Variants in FARS2 observed in about 807,000 individuals in gnomAD.
The protein encoded by FARS2 is phenylalanine--tRNA ligase, mitochondrial.
In FARS2, 40 loss-of-function variants were observed where a neutral mutation model predicts 46.4. The observed-to-expected ratio is 0.86, with a 90% confidence interval of 0.67 to 1.12. The LOEUF is 1.12. Among genes scored for constraint, FARS2 ranks in the 50% most tolerant of loss-of-function variants. The probability of loss-of-function intolerance (pLI) is 0.00; values close to 1 mark genes in which losing one functional copy is unlikely to be tolerated. For synonymous variants in FARS2, 234 were observed against 214.9 expected (o/e 1.09, Z -0.78); for missense variants, 513 against 567.9 (o/e 0.90, Z 0.98).
At chr6:5,393,900 C>T (rs1036864266) in intron 2 of FARS2, among the ~76,000 whole-genome samples, 6 of 152,266 alleles carry the variant, frequency 3.9e-5, no homozygotes, top group Middle Eastern at 3.4e-3. Flanking sequence ...TGAGACATCT[C>T]GAGCATCCTG....
chr6:5,620,981 A>G (rs1775744292), intron 6 of FARS2, among the ~76,000 whole-genome samples: 1 of 152,220 alleles, frequency 6.6e-6, no homozygotes, highest in African/African-American at 2.4e-5. Context: ...CACCACTTCT[A>G]GCCTTCCTTA....
At chr6:5,428,755 C>A (rs1762992517) in intron 3 of FARS2, among the ~76,000 whole-genome samples, 2 of 152,124 alleles carry the variant, frequency 1.3e-5, no homozygotes, top group Non-Finnish European at 2.9e-5. Context: ...AATACAGTCC[C>A]AAATAAGCAG....
At chr6:5,636,637 G>A (rs1477953357) in intron 6 of FARS2, among the ~76,000 whole-genome samples, 1 of 152,238 alleles carries the variant, frequency 6.6e-6, no homozygotes, top group African/African-American at 2.4e-5. Context: ...AGGCAGAGAA[G>A]GGAGATGAGA....
At chr6:5,490,515 C>T (rs1175368007) in intron 4 of FARS2, among the ~76,000 whole-genome samples, 1 of 152,180 alleles carries the variant, frequency 6.6e-6, no homozygotes, top group Admixed American at 6.5e-5. Flanking sequence ...TTCCCACCAG[C>T]CTGCAAGATG....
chr6:5,268,539 C>A (rs187611182), intron 1 of FARS2, among the ~76,000 whole-genome samples: 1 of 152,214 alleles, frequency 6.6e-6, no homozygotes, highest in Admixed American at 6.5e-5. Flanking sequence ...TTTCTGAGGG[C>A]TCTGTTCTGT....
chr6:5,698,260 C>G (rs1368707334), intron 6 of FARS2, among the ~76,000 whole-genome samples: 1 of 152,160 alleles, frequency 6.6e-6, no homozygotes, highest in Non-Finnish European at 1.5e-5. Flanking sequence ...TCTAGGGAGG[C>G]CTCGGGAAGC....
chr6:5,310,500 T>A (rs1210362510), intron 1 of FARS2, among the ~76,000 whole-genome samples: 1 of 151,498 alleles, frequency 6.6e-6, no homozygotes, highest in African/African-American at 2.4e-5. Context: ...CCAGTAACAA[T>A]CTTAATTAAA....
At chr6:5,253,620 T>C in the FARS2 span, among the ~76,000 whole-genome samples, 3 of 152,162 alleles carry the variant, frequency 2.0e-5, no homozygotes, top group East Asian at 5.8e-4. Context: ...GTTCAAGAAG[T>C]TTTGCAAAGG....
At chr6:5,402,427 G>A (rs1343380402) in intron 2 of FARS2, among the ~76,000 whole-genome samples, 1 of 151,834 alleles carries the variant, frequency 6.6e-6, no homozygotes, top group Non-Finnish European at 1.5e-5. Flanking sequence ...ATTTTCATTA[G>A]TTGAGCTCTT....
intron 4 of FARS2, among the ~76,000 whole-genome samples, chr6:5,460,775 G>A (rs1765198651): frequency 6.6e-6 from 1 of 152,104 alleles, no homozygotes; most frequent in Non-Finnish European, 1.5e-5. Context: ...GCAGAATGAT[G>A]GCCTCCACCT....
chr6:5,415,790 C>T (rs939693878), intron 3 of FARS2, among the ~76,000 whole-genome samples: 7 of 152,210 alleles, frequency 4.6e-5, no homozygotes, highest in Non-Finnish European at 8.8e-5. Context: ...TCACTGCATC[C>T]TTGACCTCCC....
chr6:5,355,985 A>AG (rs1491021595), intron 1 of FARS2, among the ~76,000 whole-genome samples: 1 of 152,156 alleles, frequency 6.6e-6, no homozygotes, highest in African/African-American at 2.4e-5. Context: ...TGTGCACAAC[A>AG]GGGGGAATAA....
At chr6:5,758,959 A>C (rs1486109459) in intron 6 of FARS2, among the ~76,000 whole-genome samples, 1 of 150,764 alleles carries the variant, frequency 6.6e-6, no homozygotes, top group Non-Finnish European at 1.5e-5. Context: ...AAGGGCAGAG[A>C]GATTGGGGTT....
At chr6:5,423,081 C>G (rs1299346573) in intron 3 of FARS2, among the ~76,000 whole-genome samples, 2 of 146,644 alleles carry the variant, frequency 1.4e-5, no homozygotes, top group Non-Finnish European at 1.5e-5. Flanking sequence ...GGCTGTCCCC[C>G]ACCCGACCAG....
At chr6:5,417,662 C>G (rs1484514071) in intron 3 of FARS2, among the ~76,000 whole-genome samples, 1 of 152,090 alleles carries the variant, frequency 6.6e-6, no homozygotes, top group East Asian at 1.9e-4. Context: ...AGTCGTTTTG[C>G]AATGTTTTCT....
intron 2 of FARS2, among the ~76,000 whole-genome samples, chr6:5,378,579 CT>C (rs939648861): frequency 6.6e-6 from 1 of 152,168 alleles, no homozygotes; most frequent in African/African-American, 2.4e-5. Flanking sequence ...CTCTGAATCA[CT>C]TTTCTGTCTT....
chr6:5,766,320 C>A (rs1762747200), intron 6 of FARS2, among the ~76,000 whole-genome samples: 1 of 152,216 alleles, frequency 6.6e-6, no homozygotes, highest in Non-Finnish European at 1.5e-5. Flanking sequence ...CCTTTCTTAC[C>A]CTTGCAGCCA....
chr6:5,391,993 G>C (rs1760547861), intron 2 of FARS2, among the ~76,000 whole-genome samples: 1 of 152,174 alleles, frequency 6.6e-6, no homozygotes, highest in Admixed American at 6.5e-5. Context: ...AGAAATAGAA[G>C]CAGTCCTAGT....
At chr6:5,341,217 ATATATATATATATATATATTTTT>A (rs1470729356) in intron 1 of FARS2, among the ~76,000 whole-genome samples, 111 of 5,988 alleles carry the variant, frequency 0.019, 6 homozygotes, top group South Asian at 0.057. Context: ...ATATATATAT[ATATATATATATATATATATTTTT>A]TTTTTTTTTT....
Sources: allele counts gnomAD v4.1 joint callset (sites outside exome capture counted in the v4.1 genomes callset), GRCh38; gene constraint gnomAD v4.1.1; transcripts MANE v1.5; gene names NCBI Gene and HGNC (gene_info 2026-07-23, HGNC 2026-07-21).